The following NCKAP5 variants were observed in gnomAD, a reference collection of about 807,000 sequenced individuals.
The protein encoded by NCKAP5 is nck-associated protein 5.
In NCKAP5, 92 loss-of-function variants were observed where a neutral mutation model predicts 167.0. That is an observed-to-expected ratio of 0.55 (90% confidence interval 0.47 to 0.66). The LOEUF is 0.66. Ranked by LOEUF, NCKAP5 falls within the 30% of genes least tolerant of loss-of-function variation. NCKAP5 has a pLI of 0.00. For missense variants in NCKAP5, 2,378 were observed against 2,315.0 expected, an observed-to-expected ratio of 1.03 and a Z score of -0.56; for synonymous variants, 891 against 877.4, an observed-to-expected ratio of 1.02 and a Z score of -0.27.
intron 8 of NCKAP5, among the ~76,000 whole-genome samples, chr2:132,959,126 A>G (rs1330535164): frequency 6.7e-6 from 1 of 149,496 alleles, no homozygotes; most frequent in Non-Finnish European, 1.5e-5. Flanking sequence ...ATATCTATCG[A>G]CTACCAGTTC....
chr2:132,697,608 T>C (rs1573910253), intron 19 of NCKAP5, among the ~76,000 whole-genome samples: 3 of 20,216 alleles, frequency 1.5e-4, no homozygotes. Flanking sequence ...GGTCCCATCT[T>C]TTTTTTTTTT....
the NCKAP5 span, among the ~76,000 whole-genome samples, chr2:133,657,643 A>C: frequency 6.6e-6 from 1 of 152,250 alleles, no homozygotes; most frequent in Admixed American, 6.5e-5. Context: ...AATGCTTTTC[A>C]TGATGACTAG....
At chr2:133,328,842 T>C (rs1263578445) in intron 3 of NCKAP5, among the ~76,000 whole-genome samples, 4 of 152,206 alleles carry the variant, frequency 2.6e-5, no homozygotes, top group Admixed American at 1.3e-4. Flanking sequence ...TGAAATGTCA[T>C]GAAATGCTGG....
chr2:133,510,527 TC>T (rs987299705), intron 3 of NCKAP5, among the ~76,000 whole-genome samples: 1 of 152,142 alleles, frequency 6.6e-6, no homozygotes, highest in Non-Finnish European at 1.5e-5. Context: ...CTTATAAGTC[TC>T]CCCTTCCCAC....
intron 2 of NCKAP5, among the ~76,000 whole-genome samples, chr2:133,553,419 A>G (rs1687514539): frequency 6.6e-6 from 1 of 152,210 alleles, no homozygotes; most frequent in South Asian, 2.1e-4. Context: ...GGGAATCTGC[A>G]TTTTTAATGT....
At chr2:133,274,867 A>G (rs1241360187) in intron 4 of NCKAP5, among the ~76,000 whole-genome samples, 6 of 152,028 alleles carry the variant, frequency 3.9e-5, no homozygotes, top group Non-Finnish European at 7.4e-5. Context: ...GCAAATTTAT[A>G]AGACTTTTTG....
At chr2:132,941,469 T>C (rs1269644978) in intron 8 of NCKAP5, among the ~76,000 whole-genome samples, 3 of 104,298 alleles carry the variant, frequency 2.9e-5, no homozygotes, top group African/African-American at 9.2e-5. Context: ...AGCCCTGGGA[T>C]GTTGGCTGGA....
chr2:132,689,400 G>A (rs985460731), intron 19 of NCKAP5, among the ~76,000 whole-genome samples: 1 of 152,180 alleles, frequency 6.6e-6, no homozygotes, highest in Non-Finnish European at 1.5e-5. Context: ...TGCAGTACAT[G>A]TTTTTCATGA....
At chr2:132,763,221 T>C (rs1171093163) in intron 16 of NCKAP5, among the ~76,000 whole-genome samples, 1 of 152,214 alleles carries the variant, frequency 6.6e-6, no homozygotes, top group Non-Finnish European at 1.5e-5. Context: ...CTATATATTG[T>C]CTGTAGGGCT....
chr2:133,295,389 T>C lies in NCKAP5; in HGVS notation c.143+7648A>G, dbSNP rs1679888393. ...CCAATATTTGCATATACGCAGCACA[T>C]GTTAGCAGGATTAATGGCTCTGAGA... On this transcript the variant is annotated intron_variant, in intron 4 of 19. Transcript: ENST00000409261. Among the ~76,000 whole-genome samples, 3 of 152,124 alleles carry C rather than the reference T, an allele frequency of 2.0e-5. No individual in the cohort carries two copies. In the South Asian group the frequency reaches 6.2e-4, roughly 31 times the overall value.
chr2:133,505,345 T>C (rs1336434194), intron 3 of NCKAP5, among the ~76,000 whole-genome samples: 2 of 152,148 alleles, frequency 1.3e-5, no homozygotes. Context: ...GATAACATCA[T>C]GGATATGCTA....
chr2:133,627,632 G>A, the NCKAP5 span, among the ~76,000 whole-genome samples: 3 of 152,156 alleles, frequency 2.0e-5, no homozygotes, highest in Non-Finnish European at 4.4e-5. Flanking sequence ...AATTAGCCAA[G>A]TGTGGTGACG....
chr2:133,461,235 T>C (rs1692182580), intron 3 of NCKAP5, among the ~76,000 whole-genome samples: 1 of 152,146 alleles, frequency 6.6e-6, no homozygotes. Flanking sequence ...GGTGAAGTCA[T>C]GGATAACTTT....
chr2:133,600,560 G>C, the NCKAP5 span, among the ~76,000 whole-genome samples: 1 of 152,228 alleles, frequency 6.6e-6, no homozygotes, highest in Non-Finnish European at 1.5e-5. Flanking sequence ...CCCAGGAGTT[G>C]TCTATAAATT....
chr2:133,246,013 G>C (rs957843215), intron 4 of NCKAP5, among the ~76,000 whole-genome samples: 1 of 151,926 alleles, frequency 6.6e-6, no homozygotes, highest in South Asian at 2.1e-4. Context: ...GATTGAGAAA[G>C]AATCATGGTT....
chr2:132,802,433 C>T (rs1685114876), intron 11 of NCKAP5, among the ~76,000 whole-genome samples: 2 of 152,174 alleles, frequency 1.3e-5, no homozygotes, highest in Admixed American at 1.3e-4. Context: ...TTCCTAGAGC[C>T]CCATTTCTGC....
At chr2:132,718,465 CAGG>C (rs1324091789) in intron 19 of NCKAP5, among the ~76,000 whole-genome samples, 1 of 152,142 alleles carries the variant, frequency 6.6e-6, no homozygotes, top group Non-Finnish European at 1.5e-5. Context: ...AGAATCAAGC[CAGG>C]AGGCACGGGA....
chr2:132,884,180 G>A (rs1437138012), intron 8 of NCKAP5, among the ~76,000 whole-genome samples: 10 of 152,296 alleles, frequency 6.6e-5, no homozygotes, highest in South Asian at 4.1e-4. Context: ...ATCCTGCCAC[G>A]TTCTTTCAGG....
chr2:133,251,879 C>T (rs957764544), intron 4 of NCKAP5, among the ~76,000 whole-genome samples: 2 of 152,096 alleles, frequency 1.3e-5, no homozygotes, highest in Non-Finnish European at 2.9e-5. Context: ...ATATTTCTGC[C>T]CCAAGAGTAA....
Sources: allele counts gnomAD v4.1 joint callset (sites outside exome capture counted in the v4.1 genomes callset), GRCh38; gene constraint gnomAD v4.1.1; transcripts MANE v1.5; gene names NCBI Gene and HGNC (gene_info 2026-07-23, HGNC 2026-07-21).